Variants in NRXN3 observed in about 807,000 individuals in gnomAD.
NRXN3 encodes the protein neurexin III.
NRXN3 carries 32 observed loss-of-function variants against 137.6 expected under a neutral mutation model. The ratio of observed to expected loss-of-function variants is 0.23; its 90% confidence interval spans 0.18 to 0.31. NRXN3 has a LOEUF of 0.31. NRXN3 is among the 10% of genes least tolerant of loss of function. NRXN3 has a pLI of 1.00. For synonymous variants in NRXN3, 798 were observed against 784.5 expected, an observed-to-expected ratio of 1.02 and a Z score of -0.29; for missense variants, 1,574 against 2,062.5, an observed-to-expected ratio of 0.76 and a Z score of 4.59.
At chr14:78,634,148 C>G (rs1184627658) in intron 4 of NRXN3, among the ~76,000 whole-genome samples, 1 of 152,230 alleles carries the variant, frequency 6.6e-6, no homozygotes, top group Non-Finnish European at 1.5e-5. Context: ...TGGAACTACC[C>G]CATCATAACA....
At chr14:78,843,066 T>C (rs2099017039) in intron 10 of NRXN3, among the ~76,000 whole-genome samples, 2 of 152,066 alleles carry the variant, frequency 1.3e-5, no homozygotes, top group African/African-American at 4.8e-5. Flanking sequence ...GAATAAGAGA[T>C]TAAAGTAAAG....
At chr14:78,934,389 A>G (rs904877217) in intron 10 of NRXN3, among the ~76,000 whole-genome samples, 1 of 152,200 alleles carries the variant, frequency 6.6e-6, no homozygotes, top group Non-Finnish European at 1.5e-5. Context: ...CATGACCAGA[A>G]GGAGACATGG....
At chr14:79,633,401 CT>C (rs2098376385) in intron 16 of NRXN3, 1 of 151,776 alleles carries the variant, frequency 6.6e-6, no homozygotes, top group Non-Finnish European at 1.5e-5. Context: ...CTGTCTCACT[CT>C]GCCTTGGTTC....
At chr14:78,956,606 A>T (rs1286890679) in intron 10 of NRXN3, among the ~76,000 whole-genome samples, 1 of 152,212 alleles carries the variant, frequency 6.6e-6, no homozygotes, top group African/African-American at 2.4e-5. Context: ...GATGATGAAC[A>T]ATGGGAAAAT....
intron 15 of NRXN3, among the ~76,000 whole-genome samples, chr14:79,044,785 A>C (rs1423651721): frequency 6.6e-6 from 1 of 150,868 alleles, no homozygotes; most frequent in South Asian, 2.1e-4. Flanking sequence ...CATATACTAT[A>C]TCTTTGGCCA....
At chr14:78,429,687 G>A (rs561239050) in intron 4 of NRXN3, among the ~76,000 whole-genome samples, 11 of 152,270 alleles carry the variant, frequency 7.2e-5, no homozygotes, top group Non-Finnish European at 1.5e-4. Flanking sequence ...TCCTGACCAA[G>A]CCCTGCTTTA....
rs1410490250 is a variant in NRXN3 at position 78,532,428 on chromosome 14, C to T, written c.758-112692C>T. 2.1e-5 allele frequency among the ~76,000 whole-genome samples: 3 copies of T among 141,088 alleles called. No individual in the cohort carries two copies. In the East Asian group the frequency reaches 6.4e-4, roughly 30 times the overall value. 92.6% of individuals were successfully genotyped at this position (141,088 alleles called of 152,430 possible). A position where few individuals can be genotyped will look rare whatever the true frequency, so the allele number is the denominator to read the frequency against. ...GTGTGTGTGTGTGTGTTTTAGTTCT[C>T]CAGCCCCCTTAGAAAGATTCTTTCT... is the stretch of plus-strand genomic sequence containing the variant. On this transcript the variant is annotated intron_variant, in intron 4 of 20. Coordinates refer to ENST00000335750, the MANE Select transcript of NRXN3 (RefSeq NM_001330195.2).
At chr14:78,948,576 T>C (rs1323919264) in intron 10 of NRXN3, among the ~76,000 whole-genome samples, 1 of 149,792 alleles carries the variant, frequency 6.7e-6, no homozygotes, top group African/African-American at 2.4e-5. Context: ...TGGAAGCGCA[T>C]ACAAATATGA....
chr14:78,986,067 T>C (rs528223612), intron 14 of NRXN3, among the ~76,000 whole-genome samples: 1 of 152,322 alleles, frequency 6.6e-6, no homozygotes, highest in Non-Finnish European at 1.5e-5. Flanking sequence ...CAAAATGCCT[T>C]GCCACCCAGA....
chr14:79,613,792 C>T (rs1459572235), intron 16 of NRXN3, among the ~76,000 whole-genome samples: 1 of 152,166 alleles, frequency 6.6e-6, no homozygotes, highest in African/African-American at 2.4e-5. Flanking sequence ...AATCAGAAAC[C>T]ATTCTGTCTA....
chr14:78,550,110 T>G (rs974868688), intron 4 of NRXN3, among the ~76,000 whole-genome samples: 36 of 149,802 alleles, frequency 2.4e-4, no homozygotes, highest in Admixed American at 4.0e-4. Context: ...CACAGCACAC[T>G]GCAGCCTCAA....
chr14:79,643,817 C>A lies in NRXN3; in HGVS notation c.3445-19961C>A, dbSNP rs1047133734. 1.3e-4 allele frequency among the ~76,000 whole-genome samples: 18 copies of A among 135,366 alleles called. 3 individuals are homozygous for A. The highest frequency in any genetic ancestry group is 2.9e-4 in the Non-Finnish European group (17 of 58,230). 88.8% of individuals were successfully genotyped at this position (135,366 alleles called of 152,430 possible). A position where few individuals can be genotyped will look rare whatever the true frequency, so the allele number is the denominator to read the frequency against. ...CTCTGAGTCACCTCTTGCAGGAAGC[C>A]TTCCTTGCTTTCCCTAGCAGAACAA... On this transcript the variant is annotated intron_variant, in intron 16 of 20. Transcript: ENST00000335750.
rs890615548 is a variant in NRXN3 at position 79,654,087 on chromosome 14, A to G, written c.3445-9691A>G. Among the ~76,000 whole-genome samples, 3 of 152,208 alleles carry G rather than the reference A, an allele frequency of 2.0e-5. No individual in the cohort carries two copies. In the East Asian group the frequency reaches 5.8e-4, roughly 29 times the overall value. On this transcript the variant is annotated intron_variant, in intron 16 of 20. Coordinates refer to ENST00000335750, the MANE Select transcript of NRXN3 (RefSeq NM_001330195.2). ...CAGTTCCTCCTTATCTGAGAATGTT[A>G]CATTTCTGGTATATTCTTTAGTTAT...
At chr14:79,771,072 C>T (rs879094076) in intron 19 of NRXN3, among the ~76,000 whole-genome samples, 1 of 151,970 alleles carries the variant, frequency 6.6e-6, no homozygotes, top group African/African-American at 2.4e-5. Flanking sequence ...AAGACTAAAC[C>T]AGGAAGAAAT....
intron 15 of NRXN3, among the ~76,000 whole-genome samples, chr14:79,144,475 C>A (rs893350601): frequency 9.9e-5 from 15 of 152,176 alleles, no homozygotes; most frequent in African/African-American, 3.1e-4. Flanking sequence ...AAGCAGAAAT[C>A]TTACCCAAAA....
intron 16 of NRXN3, among the ~76,000 whole-genome samples, chr14:79,652,838 G>C (rs776778688): frequency 6.6e-6 from 1 of 151,824 alleles, no homozygotes; most frequent in African/African-American, 2.4e-5. Context: ...GCCTTTTTTC[G>C]AAGTACTGGA....
intron 14 of NRXN3, among the ~76,000 whole-genome samples, chr14:78,986,206 G>A (rs914632784): frequency 5.3e-5 from 8 of 152,052 alleles, no homozygotes; most frequent in Non-Finnish European, 1.0e-4. Flanking sequence ...TTATTGCAAT[G>A]GTAATATGTT....
At chr14:78,597,287 T>G (rs1251097601) in intron 4 of NRXN3, among the ~76,000 whole-genome samples, 1 of 152,226 alleles carries the variant, frequency 6.6e-6, no homozygotes, top group Non-Finnish European at 1.5e-5. Context: ...CCCTCCACAC[T>G]GTACTGATGA....
intron 16 of NRXN3, among the ~76,000 whole-genome samples, chr14:79,627,866 G>A (rs541668102): frequency 2.4e-4 from 37 of 152,124 alleles, no homozygotes; most frequent in Non-Finnish European, 4.4e-4. Context: ...TTTTTTTATA[G>A]TATATAGAGT....
Sources: gnomAD v4.1 joint callset for allele counts (sites outside exome capture counted in the v4.1 genomes callset) on GRCh38, gnomAD v4.1.1 for gene constraint, MANE v1.5 for transcripts, NCBI Gene and HGNC (gene_info 2026-07-23, HGNC 2026-07-21) for gene names.